Variants in SDK1 observed in about 807,000 individuals in gnomAD.
SDK1 encodes protein sidekick-1.
A neutral mutation model predicts 245.5 loss-of-function variants in SDK1; 157 were observed. The ratio of observed to expected loss-of-function variants is 0.64; its 90% CI spans 0.56 to 0.73. SDK1 has a LOEUF of 0.73. SDK1 is among the 30% of genes least tolerant of loss of function. The pLI, the probability that SDK1 is intolerant of heterozygous loss-of-function variation, is 0.00. For missense variants in SDK1, 3,583 were observed against 3,002.3 expected (o/e 1.19, Z -4.52); for synonymous variants, 1,647 against 1,278.5 (o/e 1.29, Z -6.15).
At chr7:3,390,589 A>G (rs1341527558) in intron 1 of SDK1, among the ~76,000 whole-genome samples, 1 of 152,208 alleles carries the variant, frequency 6.6e-6, no homozygotes, top group Non-Finnish European at 1.5e-5. Context: ...CCGGACTATA[A>G]TCCAATGACT....
Position 3,956,399 on chromosome 7 carries a change from G to T in SDK1, c.1151-2532G>T, listed in dbSNP as rs77418780. ...GGGGAGAAACTCCATCTGAGCAGCC[G>T]CTGGGTTAGAATACTAGGAAGGGTT... On this transcript the variant is annotated intron_variant, in intron 7 of 44. Transcript: ENST00000404826. 6.3e-3 allele frequency among the ~76,000 whole-genome samples: 962 copies of T among 152,258 alleles called. 12 individuals carry two copies. Among genetic ancestry groups the T allele is most frequent in the African/African-American group, 0.022 (905 of 41,534 alleles).
chr7:3,866,779 G>A (rs1037474629), intron 5 of SDK1, among the ~76,000 whole-genome samples: 1 of 152,168 alleles, frequency 6.6e-6, no homozygotes, highest in Non-Finnish European at 1.5e-5. Context: ...CTGTGTTTAG[G>A]GATACTGGCT....
chr7:3,489,597 A>T (rs1400074917), intron 1 of SDK1, among the ~76,000 whole-genome samples: 2 of 152,246 alleles, frequency 1.3e-5, no homozygotes, highest in Non-Finnish European at 2.9e-5. Context: ...CTGGAGATAG[A>T]TGGAAGTGTA....
At chr7:3,918,467 C>G (rs552703272) in intron 5 of SDK1, among the ~76,000 whole-genome samples, 1 of 152,272 alleles carries the variant, frequency 6.6e-6, no homozygotes, top group East Asian at 1.9e-4. Context: ...AATCTAATGC[C>G]TGATGATCTG....
At chr7:3,424,437 G>C (rs891764184) in intron 1 of SDK1, among the ~76,000 whole-genome samples, 2 of 152,076 alleles carry the variant, frequency 1.3e-5, no homozygotes, top group African/African-American at 4.8e-5. Flanking sequence ...AACTTTGTGG[G>C]CTGATTCAGG....
chr7:3,534,602 T>A (rs1018692636), intron 1 of SDK1, among the ~76,000 whole-genome samples: 1 of 152,174 alleles, frequency 6.6e-6, no homozygotes, highest in Non-Finnish European at 1.5e-5. Flanking sequence ...GCACTGTGGC[T>A]TAGCTTTGCA....
intron 17 of SDK1, among the ~76,000 whole-genome samples, chr7:4,018,872 A>G (rs1431010497): frequency 6.6e-6 from 1 of 152,196 alleles, no homozygotes; most frequent in East Asian, 1.9e-4. Context: ...GGGAGCAGAG[A>G]ATGGCAGCAG....
intron 1 of SDK1, among the ~76,000 whole-genome samples, chr7:3,602,751 T>C (rs565352109): frequency 8.5e-5 from 13 of 152,268 alleles, no homozygotes; most frequent in East Asian, 3.9e-4. Flanking sequence ...AGTCCTTGCC[T>C]GTGCCTATGT....
At chr7:3,349,074 A>G (rs1022353764) in intron 1 of SDK1, among the ~76,000 whole-genome samples, 2 of 152,040 alleles carry the variant, frequency 1.3e-5, no homozygotes, top group African/African-American at 4.8e-5. Context: ...AGGATGTTGA[A>G]GTGCACTTCA....
intron 1 of SDK1, among the ~76,000 whole-genome samples, chr7:3,310,733 T>C (rs886530155): frequency 6.6e-6 from 1 of 152,192 alleles, no homozygotes; most frequent in Admixed American, 6.5e-5. Context: ...TCTGGGCTTT[T>C]GGTATAAATA....
intron 1 of SDK1, among the ~76,000 whole-genome samples, chr7:3,595,172 T>C (rs893447777): frequency 6.6e-6 from 1 of 151,862 alleles, no homozygotes; most frequent in African/African-American, 2.4e-5. Flanking sequence ...GTGAGCTTTT[T>C]CAGCTAGCTA....
chr7:3,851,262 T>C (rs1467054727), intron 5 of SDK1, among the ~76,000 whole-genome samples: 1 of 152,178 alleles, frequency 6.6e-6, no homozygotes, highest in Non-Finnish European at 1.5e-5. Context: ...CTTGAAGACA[T>C]GATATAGTCT....
chr7:3,495,686 G>T (rs942785121), intron 1 of SDK1, among the ~76,000 whole-genome samples: 10 of 152,190 alleles, frequency 6.6e-5, no homozygotes, highest in African/African-American at 2.2e-4. Flanking sequence ...ACTCCGTGTG[G>T]TTCCTGCGTC....
chr7:3,391,491 C>G (rs1310784131), intron 1 of SDK1, among the ~76,000 whole-genome samples: 1 of 151,166 alleles, frequency 6.6e-6, no homozygotes, highest in African/African-American at 2.4e-5. Context: ...TTTACGTTTT[C>G]TGTTGTAGAA....
At chr7:4,169,531 T>A (rs1242016369) in intron 32 of SDK1, among the ~76,000 whole-genome samples, 1 of 152,192 alleles carries the variant, frequency 6.6e-6, no homozygotes, top group Non-Finnish European at 1.5e-5. Context: ...ATCCTCCAGT[T>A]CTTCCTGGCA....
chr7:4,051,861 T>C (rs1443531815), intron 19 of SDK1, 31 bp downstream of exon 19: 1 of 1,583,454 alleles, frequency 6.3e-7, no homozygotes, highest in Admixed American at 1.8e-5. Context: ...GTCTCTTAAG[T>C]CACTTGTCAA....
intron 4 of SDK1, among the ~76,000 whole-genome samples, chr7:3,688,429 A>G (rs78118741): frequency 0.056 from 8,481 of 152,354 alleles, 340 homozygotes; most frequent in African/African-American, 0.11. Flanking sequence ...CTGAGAAGTA[A>G]TAACTGTATC....
chr7:4,112,424 G>C (rs1172934486), intron 23 of SDK1, among the ~76,000 whole-genome samples: 1 of 152,124 alleles, frequency 6.6e-6, no homozygotes, highest in African/African-American at 2.4e-5. Flanking sequence ...TAGTGATTTG[G>C]GGTTCAAGAT....
chr7:3,709,820 C>A (rs1325328351), intron 4 of SDK1, among the ~76,000 whole-genome samples: 3 of 152,132 alleles, frequency 2.0e-5, no homozygotes, highest in Admixed American at 1.3e-4. Flanking sequence ...CTTGGCCCAC[C>A]AAAGGGTAGA....
Sources: allele counts gnomAD v4.1 joint callset (sites outside exome capture counted in the v4.1 genomes callset), GRCh38; gene constraint gnomAD v4.1.1; transcripts MANE v1.5; gene names NCBI Gene and HGNC (gene_info 2026-07-23, HGNC 2026-07-21).